The following PCDHGB1 variants were observed in gnomAD, a reference collection of about 807,000 sequenced individuals.
The protein encoded by PCDHGB1 is protocadherin gamma subfamily B, 1, also known as protocadherin gamma-B1.
PCDHGB1 carries 34 observed loss-of-function variants against 56.6 expected under a neutral mutation model. The ratio of observed to expected loss-of-function variants is 0.60; its 90% CI spans 0.46 to 0.80. The LOEUF is 0.80. PCDHGB1 is among the 30% of genes least tolerant of loss of function. The pLI is 0.00. For missense variants in PCDHGB1, 1,278 were observed against 1,204.6 expected (o/e 1.06, Z -0.90); for synonymous variants, 561 against 505.9 (o/e 1.11, Z -1.46).
chr5:141,415,147 C>A lies in PCDHGB1; in HGVS notation c.2409+62478C>A, dbSNP rs779194230. The A allele has an allele frequency of 9.9e-6, 16 of 1,613,668 alleles. No individual in the cohort carries two copies. Among genetic ancestry groups the A allele is most frequent in the African/African-American group, 1.3e-5 (1 of 74,952 alleles). On this transcript the variant is annotated intron_variant, in intron 1 of 3. Transcript: ENST00000523390. ...CGTCCAGGACCACGGCCAGCCCCCT[C>A]TCTCCGCCACTGTCACGCTCACCGT... is the stretch of plus-strand genomic sequence containing the variant.
chr5:141,375,210 C>T, intron 1 of PCDHGB1: 1 of 1,614,008 alleles, frequency 6.2e-7, no homozygotes. Context: ...GATCGAGACT[C>T]TGGCCTGAAT....
At chr5:141,452,227 T>C (rs2098736376) in intron 1 of PCDHGB1, among the ~76,000 whole-genome samples, 1 of 152,232 alleles carries the variant, frequency 6.6e-6, no homozygotes, top group African/African-American at 2.4e-5. Context: ...CTCTTCAAGC[T>C]GGTTCTTGTG....
intron 1 of PCDHGB1, among the ~76,000 whole-genome samples, chr5:141,437,781 A>G (rs957126405): frequency 7.3e-5 from 11 of 149,878 alleles, no homozygotes; most frequent in Admixed American, 6.7e-5. Flanking sequence ...ATCTGTCGCC[A>G]AGCTGGAGTG....
chr5:141,389,721 G>C (rs1477842058), intron 1 of PCDHGB1: 7 of 1,612,620 alleles, frequency 4.3e-6, no homozygotes, highest in Non-Finnish European at 5.1e-6. Context: ...TAGCGAGCCC[G>C]GGCTCTTCAG....
rs764039295 is a variant in PCDHGB1 at position 141,374,747 on chromosome 5, C to T, written c.2409+22078C>T. The T allele has an allele frequency of 3.7e-6, 6 of 1,612,022 alleles. No homozygotes were observed. Among genetic ancestry groups the T allele is most frequent in the East Asian group, 4.5e-5 (2 of 44,822 alleles). On this transcript the variant is annotated intron_variant, in intron 1 of 3. Transcript: ENST00000523390. ...TGCCATGGATGGCGGCGACCCTGTC[C>T]GCTCAAGCGTCGCCCAAATTCTGGT... is the stretch of plus-strand genomic sequence containing the variant.
At chr5:141,422,503 A>G (rs2096653107) in intron 1 of PCDHGB1, 2 of 1,613,924 alleles carry the variant, frequency 1.2e-6, no homozygotes, top group Non-Finnish European at 1.7e-6. Context: ...GTTGACAGCC[A>G]CAGACCAGGG....
At chr5:141,468,744 T>G (rs113912306) in intron 1 of PCDHGB1, among the ~76,000 whole-genome samples, 5,602 of 152,138 alleles carry the variant, frequency 0.037, 142 homozygotes, top group South Asian at 0.077. Flanking sequence ...CGGGTGCCTG[T>G]AGTCCCAGCT....
intron 1 of PCDHGB1, among the ~76,000 whole-genome samples, chr5:141,363,501 C>A (rs187528196): frequency 6.6e-6 from 1 of 152,306 alleles, no homozygotes; most frequent in East Asian, 1.9e-4. Flanking sequence ...AATAAAACCC[C>A]ATCCTCCACA....
chr5:141,395,248 T>A, intron 1 of PCDHGB1: 1 of 1,561,360 alleles, frequency 6.4e-7, no homozygotes, highest in Non-Finnish European at 8.7e-7. Flanking sequence ...GTGAGTTTAG[T>A]TCTTTGCTTG....
In PCDHGB1 at chr5:141,486,563, G is replaced by A. The variant is rs558244990; in HGVS notation, c.2410-8244G>A. The A allele has an allele frequency of 1.2e-6, 2 of 1,614,006 alleles. No homozygotes were observed. The highest frequency in any genetic ancestry group is 1.7e-6 in the Non-Finnish European group (2 of 1,180,036). On this transcript the variant is annotated intron_variant, in intron 1 of 3. Coordinates refer to ENST00000523390, the MANE Select transcript of PCDHGB1 (RefSeq NM_018922.3). The surrounding 1 kb of genome is among the most constrained non-coding windows in gnomAD (Gnocchi z 5.0). ...CTTTCAGAGGTCACATGAGGTGTTTGTTCCTGAGAACAATCGCCCAGGGGA... is the reference window on the plus strand; with the variant it reads ...CTTTCAGAGGTCACATGAGGTGTTTATTCCTGAGAACAATCGCCCAGGGGA...
rs376773009 is a variant in PCDHGB1, at chr5:141,511,838, C to T, written c.*665C>T. 64 of 156,854 alleles carry T rather than the reference C, an allele frequency of 4.1e-4. No homozygotes were observed. Among genetic ancestry groups the T allele is most frequent in the Non-Finnish European group, 6.8e-4 (48 of 70,726 alleles). The allele number at this position is 156,854 out of a possible 1,614,324, so 9.7% of individuals were successfully genotyped here. A position where few individuals can be genotyped will look rare whatever the true frequency, so the allele number is the denominator to read the frequency against. ...TCTTCCCAACGCCCTGGGGACCAGTCTTCTGTTTTGTTTTTCATTGTTTGA... is the reference window on the plus strand; with the variant it reads ...TCTTCCCAACGCCCTGGGGACCAGTTTTCTGTTTTGTTTTTCATTGTTTGA... On this transcript the variant is annotated 3_prime_UTR_variant, in exon 4 of 4. Transcript: ENST00000523390.
intron 1 of PCDHGB1, among the ~76,000 whole-genome samples, chr5:141,436,701 A>C (rs571525375): frequency 6.9e-4 from 105 of 152,332 alleles, no homozygotes; most frequent in Non-Finnish European, 9.4e-4. Context: ...ATGCCAGCAC[A>C]CTCGATGTTC....
chr5:141,371,768 C>G, intron 1 of PCDHGB1: 1 of 1,614,032 alleles, frequency 6.2e-7, no homozygotes, highest in East Asian at 2.2e-5. Flanking sequence ...CCTCCTACAC[C>G]GTGCATGTAG....
At chr5:141,433,646 A>G (rs2097639113) in intron 1 of PCDHGB1, among the ~76,000 whole-genome samples, 1 of 152,012 alleles carries the variant, frequency 6.6e-6, no homozygotes, top group Non-Finnish European at 1.5e-5. Flanking sequence ...GACCAGCCTG[A>G]CCAACATGGA....
Position 141,370,390 on chromosome 5 carries a change from G to A in PCDHGB1, c.2409+17721G>A, listed in dbSNP as rs765930146. 5.2e-6 allele frequency: 8 copies of A among 1,543,776 alleles called. No homozygotes were observed. In the African/African-American group the frequency reaches 9.7e-5, roughly 19 times the overall value. The stretch of plus-strand genomic sequence containing the variant: ...ATTTAGAAAGGCAAAGGCGCAGAGA[G>A]CGGGATGGGAAATAGCTCCGGATGG... On this transcript the variant is annotated intron_variant, in intron 1 of 3. Transcript: ENST00000523390.
intron 1 of PCDHGB1, among the ~76,000 whole-genome samples, chr5:141,461,756 C>T (rs887460069): frequency 6.6e-6 from 1 of 151,832 alleles, no homozygotes; most frequent in Non-Finnish European, 1.5e-5. Flanking sequence ...CAGATTCAAG[C>T]GATTCTCCTG....
rs534816363 is a variant in PCDHGB1, at chr5:141,456,234, G to T, written c.2410-38573G>T. Among the ~76,000 whole-genome samples the T allele has an allele frequency of 2.2e-4, 33 of 152,224 alleles. 1 individual carries two copies. The South Asian group carries it at 6.9e-3, about 32-fold the overall frequency. On this transcript the variant is annotated intron_variant, in intron 1 of 3. Transcript: ENST00000523390. ...CTGTGGCGATATCAAACTAACTGCT[G>T]TTAGGAGGCTTTGGGCGACCATTGC...
intron 1 of PCDHGB1, chr5:141,394,550 C>T (rs1389907024): frequency 9.3e-6 from 15 of 1,614,014 alleles, no homozygotes; most frequent in South Asian, 7.7e-5. Flanking sequence ...AGCTGGCGCC[C>T]CGCTCCGCAG....
rs58019021 is a variant in PCDHGB1, at chr5:141,500,184, T to TTTTATTTATTTA, written c.2469-5178_2469-5167dup. Among the ~76,000 whole-genome samples, 232 of 135,962 alleles carry TTTTATTTATTTA rather than the reference T, an allele frequency of 1.7e-3. 1 individual carries two copies. The highest frequency in any genetic ancestry group is 6.4e-3 in the South Asian group (27 of 4,202). The allele number at this position is 135,962 out of a possible 152,430, so 89.2% of individuals were successfully genotyped here. A position where few individuals can be genotyped will look rare whatever the true frequency, so the allele number is the denominator to read the frequency against. The stretch of plus-strand genomic sequence containing the variant: ...GAACATGCATGAGCTTCATTTTTAT[T>TTTTATTTATTTA]TTTATTTATTTATTTATTTATTTAT... On this transcript the variant is annotated intron_variant, in intron 2 of 3. Transcript: ENST00000523390.
Sources: allele counts gnomAD v4.1 joint callset (sites outside exome capture counted in the v4.1 genomes callset), GRCh38; gene constraint gnomAD v4.1.1; non-coding constraint Gnocchi (gnomAD v3.1); transcripts MANE v1.5; gene names NCBI Gene and HGNC (gene_info 2026-07-23, HGNC 2026-07-21).